Variants in DLGAP2 observed in about 807,000 individuals in gnomAD.
The protein encoded by DLGAP2 is DLG associated protein 2, also known as disks large-associated protein 2.
Under a neutral mutation model 100.3 loss-of-function variants are expected in DLGAP2, and 26 were observed. That is an observed-to-expected ratio of 0.26 (90% CI 0.19 to 0.36). The LOEUF is 0.36. Among genes scored for constraint, DLGAP2 ranks in the 10% least tolerant of loss-of-function variants. The pLI, the probability that DLGAP2 is intolerant of heterozygous loss-of-function variation, is 1.00. For missense variants in DLGAP2, 1,858 were observed against 1,453.2 expected (o/e 1.28, Z -4.53); for synonymous variants, 886 against 630.1 (o/e 1.41, Z -6.08).
chr8:1,216,610 A>G (rs765226963), intron 2 of DLGAP2, among the ~76,000 whole-genome samples: 9 of 152,102 alleles, frequency 5.9e-5, no homozygotes, highest in Non-Finnish European at 1.2e-4. Flanking sequence ...TGCTGAGATT[A>G]CAGGCATGAG....
intron 2 of DLGAP2, among the ~76,000 whole-genome samples, chr8:1,146,743 C>G (rs1796615531): frequency 6.6e-6 from 1 of 152,266 alleles, no homozygotes; most frequent in East Asian, 1.9e-4. Context: ...TCCAGTTGGC[C>G]CAGTACCAGC....
chr8:1,688,715 G>T (rs915290653), intron 12 of DLGAP2, among the ~76,000 whole-genome samples: 4 of 152,162 alleles, frequency 2.6e-5, no homozygotes, highest in African/African-American at 9.7e-5. Flanking sequence ...CAGAAAAATA[G>T]GTTTTTAAGT....
chr8:1,601,088 A>C (rs147284447), intron 6 of DLGAP2, among the ~76,000 whole-genome samples: 2 of 152,048 alleles, frequency 1.3e-5, no homozygotes, highest in African/African-American at 4.8e-5. Context: ...TGTTGATGCT[A>C]TTACTTTCTG....
intron 2 of DLGAP2, among the ~76,000 whole-genome samples, chr8:1,234,341 T>C (rs6984999): frequency 0.52 from 78,753 of 151,974 alleles, 20,784 homozygotes; most frequent in Middle Eastern, 0.6. Context: ...GTGAGGGAAG[T>C]ACGTGTTCTA....
chr8:931,069 G>A (rs1413119311), intron 2 of DLGAP2, among the ~76,000 whole-genome samples: 1 of 152,134 alleles, frequency 6.6e-6, no homozygotes. Flanking sequence ...GGCAGTAAAA[G>A]GGAGGATTTT....
At chr8:1,174,285 C>T (rs994457211) in intron 2 of DLGAP2, among the ~76,000 whole-genome samples, 1 of 151,750 alleles carries the variant, frequency 6.6e-6, no homozygotes, top group South Asian at 2.1e-4. Context: ...ACCATCATCA[C>T]CACCATCATC....
intron 2 of DLGAP2, among the ~76,000 whole-genome samples, chr8:1,025,748 C>T (rs1158007096): frequency 1.3e-5 from 2 of 152,128 alleles, no homozygotes; most frequent in Admixed American, 1.3e-4. Flanking sequence ...ACAGGGGAGG[C>T]AGGGAGGGAC....
intron 2 of DLGAP2, among the ~76,000 whole-genome samples, chr8:1,175,104 T>C (rs956318898): frequency 1.3e-5 from 2 of 152,230 alleles, no homozygotes; most frequent in African/African-American, 4.8e-5. Context: ...CCACACTTTT[T>C]TGCTACCTTC....
At chr8:1,456,618 A>C (rs182640508) in intron 3 of DLGAP2, among the ~76,000 whole-genome samples, 26 of 152,374 alleles carry the variant, frequency 1.7e-4, no homozygotes, top group South Asian at 1.0e-3. Context: ...ATTAATGAAA[A>C]AGTGTCACCA....
intron 2 of DLGAP2, among the ~76,000 whole-genome samples, chr8:1,144,284 A>G (rs1796569548): frequency 6.6e-6 from 1 of 152,234 alleles, no homozygotes; most frequent in Admixed American, 6.5e-5. Flanking sequence ...GGAGCATTTG[A>G]GTGGATGATT....
chr8:1,431,636 G>A (rs558703483), intron 3 of DLGAP2, among the ~76,000 whole-genome samples: 8 of 149,520 alleles, frequency 5.4e-5, no homozygotes, highest in South Asian at 2.2e-4. Context: ...GCTCGCTGGC[G>A]TGGTGATGAG....
Position 1,393,034 on chromosome 8 carries a change from G to A in DLGAP2, c.107-108332G>A, listed in dbSNP as rs1206880384. ...CAGAACCTCCTTGTCCTCCTGAGTCGTGTATTGAGTGCTTACTGAGCGCCA... is the reference window on the plus strand; with the variant it reads ...CAGAACCTCCTTGTCCTCCTGAGTCATGTATTGAGTGCTTACTGAGCGCCA... On this transcript the variant is annotated intron_variant, in intron 3 of 14. Coordinates refer to ENST00000637795, the MANE Select transcript of DLGAP2 (RefSeq NM_001346810.2). Among the ~76,000 whole-genome samples the A allele has an allele frequency of 8.0e-4, 42 of 52,356 alleles. 1 individual carries two copies. The East Asian group carries it at 0.012, about 15-fold the overall frequency. The allele number at this position is 52,356 out of a possible 152,430, so 34.3% of individuals were successfully genotyped here.
At chr8:948,378 C>T (rs561698251) in intron 2 of DLGAP2, among the ~76,000 whole-genome samples, 2 of 152,252 alleles carry the variant, frequency 1.3e-5, no homozygotes, top group African/African-American at 2.4e-5. Flanking sequence ...GACGTGAGCT[C>T]GGCCAGCCCC....
intron 2 of DLGAP2, among the ~76,000 whole-genome samples, chr8:1,130,346 T>G (rs996851618): frequency 1.4e-4 from 22 of 152,180 alleles, no homozygotes; most frequent in Non-Finnish European, 2.9e-5. Context: ...TTTTTTCTCA[T>G]TTATTATTCA....
rs576123758 is a variant in DLGAP2 at position 981,134 on chromosome 8, C to G, written c.73+73168C>G. 1.4e-3 allele frequency among the ~76,000 whole-genome samples: 220 copies of G among 152,210 alleles called. 1 individual carries two copies. The highest frequency in any genetic ancestry group is 5.2e-3 in the African/African-American group (216 of 41,532). Reference sequence around the variant, plus strand: ...CCTACTGTCTGTCTCTCGGAATTCCCCTATGCTAGATATTTCATGTAAGTG... The same window carrying G: ...CCTACTGTCTGTCTCTCGGAATTCCGCTATGCTAGATATTTCATGTAAGTG... On this transcript the variant is annotated intron_variant, in intron 2 of 14. Transcript: ENST00000637795.
chr8:995,815 A>T (rs1800768177), intron 2 of DLGAP2, among the ~76,000 whole-genome samples: 1 of 149,324 alleles, frequency 6.7e-6, no homozygotes, highest in African/African-American at 2.4e-5. Flanking sequence ...CTGGGGTGCT[A>T]ACAGCATAGA....
chr8:1,424,310 A>T (rs991875103), intron 3 of DLGAP2, among the ~76,000 whole-genome samples: 1 of 152,236 alleles, frequency 6.6e-6, no homozygotes, highest in African/African-American at 2.4e-5. Flanking sequence ...ACAGAGACTT[A>T]TTAAGACGTG....
At chr8:1,525,029 G>A (rs1345113116) in intron 4 of DLGAP2, among the ~76,000 whole-genome samples, 2 of 152,090 alleles carry the variant, frequency 1.3e-5, no homozygotes, top group African/African-American at 2.4e-5. Flanking sequence ...GCTTTCATTT[G>A]CCTTTACTTT....
intron 3 of DLGAP2, among the ~76,000 whole-genome samples, chr8:1,312,948 C>A (rs1033345): frequency 0.46 from 69,302 of 152,106 alleles, 16,220 homozygotes; most frequent in South Asian, 0.57. Context: ...TGCGGTATGG[C>A]CTGATCTCAA....
Sources: allele counts gnomAD v4.1 joint callset (sites outside exome capture counted in the v4.1 genomes callset), GRCh38; gene constraint gnomAD v4.1.1; transcripts MANE v1.5; gene names NCBI Gene and HGNC (gene_info 2026-07-23, HGNC 2026-07-21).